The following MAML2 variants were observed in gnomAD, a reference collection of about 807,000 sequenced individuals.
The protein encoded by MAML2 is mastermind-like protein 2.
Under a neutral mutation model 96.1 loss-of-function variants are expected in MAML2, and 22 were observed. That is an observed-to-expected ratio of 0.23 (90% confidence interval 0.16 to 0.33). MAML2 has a LOEUF of 0.33. Ranked by LOEUF, MAML2 falls within the 10% of genes least tolerant of loss-of-function variation. The probability of loss-of-function intolerance (pLI) is 1.00; values close to 1 mark genes in which losing one functional copy is unlikely to be tolerated. For synonymous variants in MAML2, 561 were observed against 521.3 expected (o/e 1.08, Z -1.04); for missense variants, 1,367 against 1,392.4 (o/e 0.98, Z 0.29).
chr11:96,244,939 C>T (rs368539755), intron 1 of MAML2, among the ~76,000 whole-genome samples: 10 of 152,128 alleles, frequency 6.6e-5, no homozygotes, highest in African/African-American at 2.4e-4. Flanking sequence ...CTATTTTGTC[C>T]ACCTGAAACA....
At chr11:96,327,994 G>A (rs983784434) in intron 1 of MAML2, among the ~76,000 whole-genome samples, 5 of 152,006 alleles carry the variant, frequency 3.3e-5, no homozygotes, top group Non-Finnish European at 5.9e-5. Flanking sequence ...TACTCGGGAG[G>A]CTAAGGCAGG....
intron 2 of MAML2, among the ~76,000 whole-genome samples, chr11:96,038,889 A>G (rs1387541815): frequency 1.3e-5 from 2 of 152,222 alleles, no homozygotes; most frequent in Non-Finnish European, 2.9e-5. Context: ...AGCACTTAGT[A>G]TAGTATGTGG....
At chr11:96,282,711 T>A (rs7941902) in intron 1 of MAML2, among the ~76,000 whole-genome samples, 4,543 of 152,254 alleles carry the variant, frequency 0.03, 218 homozygotes, top group African/African-American at 0.1. Context: ...TTCCCTACAA[T>A]CTCTAATCAT....
chr11:96,194,118 G>C (rs1861696638), intron 1 of MAML2, among the ~76,000 whole-genome samples: 1 of 152,224 alleles, frequency 6.6e-6, no homozygotes, highest in Non-Finnish European at 1.5e-5. Context: ...AAAAATTATA[G>C]TTGCAGAAAT....
chr11:96,265,294 CAG>C (rs1341444359), intron 1 of MAML2, among the ~76,000 whole-genome samples: 7 of 152,282 alleles, frequency 4.6e-5, no homozygotes, highest in Admixed American at 2.0e-4. Context: ...GGAAAAACAA[CAG>C]AGTTATTTTC....
intron 1 of MAML2, among the ~76,000 whole-genome samples, chr11:96,108,738 A>G (rs1460694659): frequency 2.6e-5 from 4 of 152,184 alleles, no homozygotes; most frequent in Non-Finnish European, 5.9e-5. Flanking sequence ...ATAAGACTAT[A>G]AAAGTGTAAG....
intron 2 of MAML2, among the ~76,000 whole-genome samples, chr11:96,069,249 T>C (rs1859300792): frequency 6.8e-6 from 1 of 147,486 alleles, no homozygotes; most frequent in African/African-American, 2.5e-5. Flanking sequence ...TTTCCCTCCC[T>C]CCCTCCCTTC....
intron 1 of MAML2, among the ~76,000 whole-genome samples, chr11:96,124,304 T>G (rs1190910577): frequency 6.6e-6 from 1 of 152,166 alleles, no homozygotes; most frequent in Non-Finnish European, 1.5e-5. Context: ...GAATAAGACC[T>G]GTCTCTGCCT....
chr11:96,019,511 G>A (rs1158887300), intron 2 of MAML2, among the ~76,000 whole-genome samples: 1 of 151,934 alleles, frequency 6.6e-6, no homozygotes, highest in Non-Finnish European at 1.5e-5. Context: ...TACAGTTAGA[G>A]CCATAATATG....
At chr11:96,191,783 A>C (rs1190714127) in intron 1 of MAML2, among the ~76,000 whole-genome samples, 2 of 151,872 alleles carry the variant, frequency 1.3e-5, no homozygotes, top group Admixed American at 6.6e-5. Context: ...AAAAAAAAAA[A>C]AAACCACAAA....
intron 1 of MAML2, among the ~76,000 whole-genome samples, chr11:96,280,428 C>T (rs1049566286): frequency 6.7e-6 from 1 of 150,172 alleles, no homozygotes; most frequent in African/African-American, 2.5e-5. Flanking sequence ...AACTTTCTTT[C>T]TCCTGATCTG....
chr11:96,183,803 G>T (rs938358469), intron 1 of MAML2, among the ~76,000 whole-genome samples: 1 of 152,100 alleles, frequency 6.6e-6, no homozygotes, highest in Non-Finnish European at 1.5e-5. Flanking sequence ...TCCCAACTTT[G>T]CATTTTTACA....
At chr11:96,341,259 A>T in intron 1 of MAML2, 124 bp downstream of exon 1, 1 of 1,109,700 alleles carries the variant, frequency 9.0e-7, no homozygotes, top group Non-Finnish European at 1.3e-6. Flanking sequence ...ATGGCCTTTA[A>T]GGTAGTCAGG....
chr11:96,319,207 C>T (rs1446291840), intron 1 of MAML2, among the ~76,000 whole-genome samples: 1 of 152,118 alleles, frequency 6.6e-6, no homozygotes, highest in Non-Finnish European at 1.5e-5. Context: ...AGATTTTCTC[C>T]CAACAGCCAT....
At chr11:96,277,477 G>A (rs1177598041) in intron 1 of MAML2, among the ~76,000 whole-genome samples, 3 of 151,962 alleles carry the variant, frequency 2.0e-5, no homozygotes, top group Non-Finnish European at 2.9e-5. Context: ...CTGTCCAGGC[G>A]CGGTGGCTCA....
chr11:96,301,801 CACTTTT>C (rs1334632642), intron 1 of MAML2, among the ~76,000 whole-genome samples: 1 of 152,194 alleles, frequency 6.6e-6, no homozygotes, highest in Non-Finnish European at 1.5e-5. Flanking sequence ...CAAGTGCTGA[CACTTTT>C]ACTTATACAA....
At chr11:96,198,925 C>T (rs12274686) in intron 1 of MAML2, among the ~76,000 whole-genome samples, 5,509 of 149,768 alleles carry the variant, frequency 0.037, 335 homozygotes, top group African/African-American at 0.13. Context: ...TGGCTGGGTG[C>T]GGTGGCTCAC....
At chr11:95,991,249 A>G (rs936355362) in intron 3 of MAML2, among the ~76,000 whole-genome samples, 2 of 152,124 alleles carry the variant, frequency 1.3e-5, no homozygotes, top group African/African-American at 2.4e-5. Context: ...CCTGATTCAA[A>G]TGCCCATGTT....
intron 1 of MAML2, among the ~76,000 whole-genome samples, chr11:96,191,333 G>A (rs892291850): frequency 3.3e-5 from 5 of 152,050 alleles, no homozygotes; most frequent in South Asian, 2.1e-4. Flanking sequence ...GTGTGGTGGC[G>A]CATGCCTGTA....
Sources: gnomAD v4.1 joint callset for allele counts (sites outside exome capture counted in the v4.1 genomes callset) on GRCh38, gnomAD v4.1.1 for gene constraint, MANE v1.5 for transcripts, NCBI Gene and HGNC (gene_info 2026-07-23, HGNC 2026-07-21) for gene names.